Variants in CACNA2D1 observed in about 807,000 individuals in gnomAD.
CACNA2D1 encodes the protein calcium voltage-gated channel auxiliary subunit alpha2delta 1, also known as voltage-dependent calcium channel subunit alpha-2/delta-1.
CACNA2D1 carries 53 observed loss-of-function variants against 171.5 expected under a neutral mutation model. The observed-to-expected ratio is 0.31, with a 90% CI of 0.25 to 0.39. CACNA2D1 has a LOEUF of 0.39. Ranked by LOEUF, CACNA2D1 falls within the 10% of genes least tolerant of loss-of-function variation. CACNA2D1 has a pLI of 1.00. For missense variants in CACNA2D1, 903 were observed against 1,299.8 expected, an observed-to-expected ratio of 0.69 and a Z score of 4.69; for synonymous variants, 442 against 443.1, an observed-to-expected ratio of 1.00 and a Z score of 0.03.
intron 1 of CACNA2D1, among the ~76,000 whole-genome samples, chr7:82,374,719 G>C (rs1822810287): frequency 6.7e-6 from 1 of 150,160 alleles, no homozygotes; most frequent in Non-Finnish European, 1.5e-5. Flanking sequence ...AAATTTTGTT[G>C]GTAAAAACAA....
chr7:81,974,629 A>AT lies in CACNA2D1; in HGVS notation c.1956-78dup, dbSNP rs61006565. 4,687 of 577,354 alleles carry AT rather than the reference A, an allele frequency of 8.1e-3. 12 individuals carry two copies. Among genetic ancestry groups the AT allele is most frequent in the South Asian group, 0.035 (1,821 of 51,406 alleles). 35.8% of individuals were successfully genotyped at this position (577,354 alleles called of 1,614,324 possible). A position where few individuals can be genotyped will look rare whatever the true frequency, so the allele number is the denominator to read the frequency against. On this transcript the variant is annotated intron_variant, in intron 24 of 38. Coordinates refer to ENST00000356860, the MANE Select transcript of CACNA2D1 (RefSeq NM_000722.4). ...GGTAATTAAAGGTAGTGAAAACACTATTTTTTTTTTTTATTAGCCACAAGA... is the reference window on the plus strand; with the variant it reads ...GGTAATTAAAGGTAGTGAAAACACTATTTTTTTTTTTTTATTAGCCACAAGA...
At chr7:82,203,727 C>T (rs1401485720) in intron 3 of CACNA2D1, among the ~76,000 whole-genome samples, 2 of 152,306 alleles carry the variant, frequency 1.3e-5, no homozygotes, top group South Asian at 2.1e-4. Flanking sequence ...TTGGTCTCAG[C>T]TATGGAAAGG....
At chr7:82,340,974 A>T (rs539771163) in intron 2 of CACNA2D1, among the ~76,000 whole-genome samples, 1 of 152,278 alleles carries the variant, frequency 6.6e-6, no homozygotes, top group East Asian at 1.9e-4. Context: ...AAGAAAAGGG[A>T]TTCATTGTCA....
intron 3 of CACNA2D1, among the ~76,000 whole-genome samples, chr7:82,230,963 G>A (rs1055929528): frequency 1.3e-5 from 2 of 152,156 alleles, no homozygotes; most frequent in African/African-American, 2.4e-5. Flanking sequence ...TCTCACATCT[G>A]TACCTCTGAT....
At chr7:82,192,480 G>A (rs1288054680) in intron 3 of CACNA2D1, among the ~76,000 whole-genome samples, 1 of 111,306 alleles carries the variant, frequency 9.0e-6, no homozygotes, top group Non-Finnish European at 1.8e-5. Flanking sequence ...GTGTGTGTGT[G>A]TGTGTGTGTG....
chr7:82,135,706 A>AT (rs946849173), intron 5 of CACNA2D1, among the ~76,000 whole-genome samples: 2 of 151,976 alleles, frequency 1.3e-5, no homozygotes, highest in Admixed American at 6.6e-5. Flanking sequence ...TGTTTTATGT[A>AT]TTTTTTCATT....
rs2130867186 is a variant in CACNA2D1 at position 82,005,453 on chromosome 7, A to G, written c.1560T>C (p.Tyr520=). 3 of 1,600,548 alleles carry G rather than the reference A, an allele frequency of 1.9e-6. No homozygotes were observed. Among genetic ancestry groups the G allele is most frequent in the African/African-American group, 1.3e-5 (1 of 74,738 alleles). ...GYYFAIDPNG[Y]VLLHPNLQPK... ...GCTGAAGATTTGGATGTAATAAAAC[A>G]TAACCATTAGGATCGATTGCAAAGT... Residue 520 remains tyrosine, a synonymous_variant, in exon 18 of 39, where the codon TAT becomes TAC. Coordinates refer to ENST00000356860, the MANE Select transcript of CACNA2D1 (RefSeq NM_000722.4).
chr7:82,292,367 C>T (rs1049824343), intron 3 of CACNA2D1, among the ~76,000 whole-genome samples: 3 of 152,194 alleles, frequency 2.0e-5, no homozygotes, highest in African/African-American at 7.2e-5. Context: ...AATTGCCTTG[C>T]TTCTTCGTTT....
At chr7:82,202,512 G>A (rs76533132) in intron 3 of CACNA2D1, among the ~76,000 whole-genome samples, 6,471 of 152,260 alleles carry the variant, frequency 0.042, 448 homozygotes, top group African/African-American at 0.15. Flanking sequence ...TGGGTCCCCC[G>A]TGAGGATGGA....
rs534447349 is a variant in CACNA2D1, at chr7:82,102,694, G to A, written c.526+14350C>T. ...ATTCCATCTACAAGGTCATGGGGCA[G>A]AAAGAGAGTTCCAGAGGGCCCTGTG... On this transcript the variant is annotated intron_variant, in intron 6 of 38. Transcript: ENST00000356860. Among the ~76,000 whole-genome samples, 4 of 152,226 alleles carry A rather than the reference G, an allele frequency of 2.6e-5. No homozygotes were observed. The South Asian group carries it at 8.3e-4, about 32-fold the overall frequency.
At chr7:82,143,915 T>C (rs1792688541) in intron 4 of CACNA2D1, among the ~76,000 whole-genome samples, 1 of 152,192 alleles carries the variant, frequency 6.6e-6, no homozygotes, top group South Asian at 2.1e-4. Context: ...GTAAAATGTT[T>C]TTCTATTCAG....
intron 1 of CACNA2D1, among the ~76,000 whole-genome samples, chr7:82,376,080 A>G (rs549908641): frequency 6.6e-6 from 1 of 151,816 alleles, no homozygotes; most frequent in South Asian, 2.1e-4. Context: ...AAACATACAC[A>G]AAAAAAAATC....
At chr7:82,270,821 A>G (rs1290845296) in intron 3 of CACNA2D1, among the ~76,000 whole-genome samples, 1 of 152,084 alleles carries the variant, frequency 6.6e-6, no homozygotes, top group African/African-American at 2.4e-5. Context: ...ACTTCTTTGG[A>G]TTTCACTCAT....
At chr7:81,962,659 T>C (rs1794282311) in intron 34 of CACNA2D1, among the ~76,000 whole-genome samples, 164 bp from the exon 35 acceptor site, 1 of 151,958 alleles carries the variant, frequency 6.6e-6, no homozygotes. Flanking sequence ...TGTAACCTTT[T>C]TGTAATGTGT....
At chr7:82,197,754 C>T (rs2129199060) in intron 3 of CACNA2D1, among the ~76,000 whole-genome samples, 1 of 151,996 alleles carries the variant, frequency 6.6e-6, no homozygotes, top group East Asian at 1.9e-4. Context: ...ATAACATTTC[C>T]AAGAAGAAAA....
intron 10 of CACNA2D1, among the ~76,000 whole-genome samples, chr7:82,045,175 T>G (rs1804413325): frequency 2.0e-5 from 3 of 152,148 alleles, no homozygotes; most frequent in Admixed American, 6.6e-5. Context: ...AAAAATTTTG[T>G]GCCAATTTAA....
chr7:82,232,861 C>CAAAAAAAAAAAAAA (rs71093370), intron 3 of CACNA2D1, among the ~76,000 whole-genome samples: 6 of 52,446 alleles, frequency 1.1e-4, no homozygotes, highest in African/African-American at 3.9e-4. Context: ...GAGATGTCTC[C>CAAAAAAAAAAAAAA]AAAAAAAAAA....
At chr7:82,031,563 CTG>C (rs1297473160) in intron 12 of CACNA2D1, among the ~76,000 whole-genome samples, 1 of 151,892 alleles carries the variant, frequency 6.6e-6, no homozygotes, top group Admixed American at 6.6e-5. Flanking sequence ...CTGTATGACA[CTG>C]TAGTACATGC....
intron 1 of CACNA2D1, among the ~76,000 whole-genome samples, chr7:82,367,512 AT>A (rs1821878003): frequency 6.6e-6 from 1 of 151,932 alleles, no homozygotes; most frequent in African/African-American, 2.4e-5. Flanking sequence ...TCAGGTTCCT[AT>A]TGTTTCTTCA....
Sources: allele counts gnomAD v4.1 joint callset (sites outside exome capture counted in the v4.1 genomes callset), GRCh38; gene constraint gnomAD v4.1.1; transcripts MANE v1.5; gene names NCBI Gene and HGNC (gene_info 2026-07-23, HGNC 2026-07-21).